Variants in RAB37 observed in about 807,000 individuals in gnomAD.
RAB37 encodes the protein ras-related protein Rab-37.
In RAB37, 29 loss-of-function variants were observed where a neutral mutation model predicts 33.1. The observed-to-expected ratio is 0.88, with a 90% CI of 0.65 to 1.20. The LOEUF (loss-of-function observed/expected upper bound fraction) is 1.20. RAB37 is among the 50% of genes most tolerant of loss of function. The pLI is 0.00. For missense variants in RAB37, 299 were observed against 301.1 expected (o/e 0.99, Z 0.05); for synonymous variants, 128 against 119.5 (o/e 1.07, Z -0.47).
At position 74,722,602 on chromosome 17, in the gene RAB37, A is replaced by G. The variant is rs138055315; in HGVS notation, c.73-6654A>G. The stretch of plus-strand genomic sequence containing the variant: ...AGTGTTTAATTGAATAAGTAGGACT[A>G]TAGTCCAGCCAAGTTGACACATAAA... On this transcript the variant is annotated intron_variant, in intron 1 of 7. Coordinates refer to the RAB37 transcript ENST00000340415. Among the ~76,000 whole-genome samples the G allele has an allele frequency of 7.2e-4, 110 of 152,368 alleles. 1 individual carries two copies. The East Asian group carries it at 0.021, about 29-fold the overall frequency.
upstream of RAB37, among the ~76,000 whole-genome samples, chr17:74,734,939 AG>A (rs2034444765): frequency 8.1e-6 from 1 of 124,206 alleles, no homozygotes; most frequent in East Asian, 2.4e-4. Flanking sequence ...AGAAAGAGAA[AG>A]AAAGAAAGAG....
intron 1 of RAB37, among the ~76,000 whole-genome samples, chr17:74,699,564 G>A (rs537513932): frequency 2.0e-4 from 30 of 152,168 alleles, no homozygotes; most frequent in East Asian, 1.7e-3. Flanking sequence ...GAGTGATGCC[G>A]CCACAAGACC....
At chr17:74,743,371 A>C in intron 5 of RAB37, 31 bp downstream of exon 5, 1 of 1,609,720 alleles carries the variant, frequency 6.2e-7, no homozygotes, top group Non-Finnish European at 8.5e-7. Flanking sequence ...ACTCCCACCC[A>C]TAAGCAGCCA....
At chr17:74,722,792 G>A (rs1015587896) in intron 1 of RAB37, among the ~76,000 whole-genome samples, 3 of 152,104 alleles carry the variant, frequency 2.0e-5, no homozygotes, top group African/African-American at 7.2e-5. Context: ...TTTGTTTGTG[G>A]AATCTTCTGT....
chr17:74,707,191 A>G (rs569497811), intron 1 of RAB37, among the ~76,000 whole-genome samples: 11 of 152,230 alleles, frequency 7.2e-5, no homozygotes, highest in Non-Finnish European at 1.6e-4. Context: ...AAGAGAATGA[A>G]GCGACAACCT....
rs1483317436 is a variant in RAB37, at chr17:74,684,898, T to TCG, written c.72+13240_72+13241insCG. ...ATAGATAGATAGATAGATAGATAGA[T>TCG]AGATCCATCATAGGAATTTTGTTAT... is the stretch of plus-strand genomic sequence containing the variant. On this transcript the variant is annotated intron_variant, in intron 1 of 7. Transcript: ENST00000340415. 2.0e-5 allele frequency among the ~76,000 whole-genome samples: 3 copies of TCG among 152,212 alleles called. No individual in the cohort carries two copies. In the East Asian group the frequency reaches 5.8e-4, roughly 29 times the overall value.
rs375378269 is a variant in RAB37, at chr17:74,728,846, A to G, written c.73-410A>G. On this transcript the variant is annotated intron_variant, in intron 1 of 7. Transcript: ENST00000340415. ...TTCTGTGTCTGTATGTGTCTTGTGC[A>G]TGTATGTTTCTGTGCCATGTGTGTT... Among the ~76,000 whole-genome samples the G allele has an allele frequency of 1.6e-3, 238 of 150,160 alleles. 1 individual carries two copies. In the East Asian group the frequency reaches 0.022, roughly 14 times the overall value.
chr17:74,711,373 G>A (rs550975812), intron 1 of RAB37, among the ~76,000 whole-genome samples: 1 of 152,144 alleles, frequency 6.6e-6, no homozygotes, highest in Non-Finnish European at 1.5e-5. Flanking sequence ...AAAAAAAGCA[G>A]CCATACCTGT....
chr17:74,703,560 A>G (rs953136253), intron 1 of RAB37, among the ~76,000 whole-genome samples: 1 of 152,224 alleles, frequency 6.6e-6, no homozygotes, highest in South Asian at 2.1e-4. Flanking sequence ...CCAGCCCTGA[A>G]TGAAATCATC....
At chr17:74,743,394 T>C (rs1276303356) in intron 5 of RAB37, 54 bp downstream of exon 5, 7 of 1,588,940 alleles carry the variant, frequency 4.4e-6, no homozygotes, top group Non-Finnish European at 6.0e-6. Context: ...GCAAGGTCTA[T>C]GCAGGCTGGG....
chr17:74,673,807 A>T (rs1008165074), intron 1 of RAB37, among the ~76,000 whole-genome samples: 3 of 152,178 alleles, frequency 2.0e-5, no homozygotes, highest in Non-Finnish European at 4.4e-5. Context: ...GCCAGCCTTA[A>T]ACCTTCTGTG....
At chr17:74,674,438 G>A (rs1490273504) in intron 1 of RAB37, among the ~76,000 whole-genome samples, 2 of 150,432 alleles carry the variant, frequency 1.3e-5, no homozygotes, top group African/African-American at 4.9e-5. Flanking sequence ...ACCACTTTGG[G>A]AAGCTGAGGC....
chr17:74,729,340 T>A lies in RAB37; in HGVS notation c.157T>A (p.Ser53Thr), dbSNP rs897325330. The A allele has an allele frequency of 6.2e-7, 1 of 1,614,010 alleles. No homozygotes were observed. Among genetic ancestry groups the A allele is most frequent in the Admixed American group, 1.7e-5 (1 of 60,010 alleles). Residue 53 changes from serine (S) to threonine (T), a missense_variant, in exon 2 of 8, where the codon TCG becomes ACG. Physicochemically the swap from Ser to Thr is moderately conservative, Grantham distance 58. Coordinates refer to the RAB37 transcript ENST00000340415. This position sits in a 1 kb window ranked among gnomAD's most constrained non-coding sequence, Gnocchi z 4.2. Reference sequence around the variant, plus strand: ...GGGCAAGTTCATCCCCGGCTCCTTCTCGGCCACTGTGGGCATCGGATTCAC... The same window carrying A: ...GGGCAAGTTCATCCCCGGCTCCTTCACGGCCACTGTGGGCATCGGATTCAC...
chr17:74,678,106 T>C lies in RAB37; in HGVS notation c.72+6448T>C, dbSNP rs149484183. Among the ~76,000 whole-genome samples, 48 of 152,296 alleles carry C rather than the reference T, an allele frequency of 3.2e-4. No individual in the cohort carries two copies. The East Asian group carries it at 8.5e-3, about 27-fold the overall frequency. On this transcript the variant is annotated intron_variant, in intron 1 of 7. Coordinates refer to the RAB37 transcript ENST00000340415. ...GGCTCTAAATTTATCCCAATACCCT[T>C]CTTGCTTCCTTCCTCCTCTTCTCAG...
rs539059051 is a variant in RAB37, at chr17:74,742,546, A to G, written c.246+251A>G. On this transcript the variant is annotated intron_variant, in intron 3 of 8. Coordinates refer to ENST00000392613, the MANE Select transcript of RAB37 (RefSeq NM_001006638.3). This position sits in a 1 kb window ranked among gnomAD's most constrained non-coding sequence, Gnocchi z 4.0. ...TCCATCCATCTCCTCCCCAGTTGCC[A>G]GGGCTTTATCTGCTCTTAGGAGATT... Among the ~76,000 whole-genome samples, 8 of 152,292 alleles carry G rather than the reference A, an allele frequency of 5.3e-5. 1 individual carries two copies. Among genetic ancestry groups the G allele is most frequent in the African/African-American group, 1.9e-4 (8 of 41,564 alleles).
intron 1 of RAB37, among the ~76,000 whole-genome samples, chr17:74,689,347 G>A (rs947189968): frequency 1.3e-5 from 2 of 152,104 alleles, no homozygotes; most frequent in Non-Finnish European, 2.9e-5. Context: ...GGAGGCCGAG[G>A]CAAGAGAATC....
chr17:74,710,720 A>G (rs1047191225), intron 1 of RAB37, among the ~76,000 whole-genome samples: 3 of 151,404 alleles, frequency 2.0e-5, no homozygotes, highest in Non-Finnish European at 4.4e-5. Flanking sequence ...AAAAAAAAAA[A>G]TAGCCAGGCA....
At chr17:74,728,823 C>T (rs1349146638) in intron 1 of RAB37, among the ~76,000 whole-genome samples, 1 of 151,164 alleles carries the variant, frequency 6.6e-6, no homozygotes, top group Non-Finnish European at 1.5e-5. Context: ...ATGTGTTTTT[C>T]TGTGTCTGTA....
intron 1 of RAB37, among the ~76,000 whole-genome samples, chr17:74,722,273 ACT>A (rs1347568351): frequency 2.0e-5 from 3 of 147,446 alleles, no homozygotes; most frequent in Non-Finnish European, 4.5e-5. Flanking sequence ...ACAGAGCGAG[ACT>A]CTGTCTCAAA....
Sources: gnomAD v4.1 joint callset for allele counts (sites outside exome capture counted in the v4.1 genomes callset) on GRCh38, gnomAD v4.1.1 for gene constraint, Gnocchi (gnomAD v3.1) non-coding constraint, MANE v1.5 for transcripts, NCBI Gene and HGNC (gene_info 2026-07-23, HGNC 2026-07-21) for gene names.